The following NIT1 variants were observed in gnomAD, a reference collection of about 807,000 sequenced individuals.
NIT1 encodes the protein nitrilase 1, also known as deaminated glutathione amidase.
A neutral mutation model predicts 36.8 loss-of-function variants in NIT1; 30 were observed. The observed-to-expected ratio is 0.82, with a 90% CI of 0.61 to 1.11. The LOEUF is 1.11. NIT1 is among the 50% of genes least tolerant of loss of function. The pLI is 0.00. For missense variants in NIT1, 438 were observed against 410.6 expected, an observed-to-expected ratio of 1.07 and a Z score of -0.58; for synonymous variants, 151 against 155.6, an observed-to-expected ratio of 0.97 and a Z score of 0.22.
At chr1:161,122,177 C>T (rs1187099077), downstream of NIT1, 1 of 1,613,882 alleles carries the variant, frequency 6.2e-7, no homozygotes, top group East Asian at 2.2e-5. This position sits in a 1 kb window ranked among gnomAD's most constrained non-coding sequence, Gnocchi z 4.2. Context: ...TCAAGTTCCT[C>T]AGGAGTTTCT....
At chr1:161,124,589 C>T (rs907284278), downstream of NIT1, 1 of 1,459,368 alleles carries the variant, frequency 6.9e-7, no homozygotes, top group Non-Finnish European at 9.0e-7. Context: ...CATGCATTCC[C>T]ATATTCCCAG....
At chr1:161,124,789 C>T (rs558067923), downstream of NIT1, 5 of 228,174 alleles carry the variant, frequency 2.2e-5, no homozygotes, top group East Asian at 2.9e-4. Context: ...TAGGGAGACC[C>T]GTTTCTACAA....
At chr1:161,124,587 C>T (rs1311160929), downstream of NIT1, 5 of 1,459,322 alleles carry the variant, frequency 3.4e-6, no homozygotes, top group South Asian at 7.2e-5. Context: ...CTCATGCATT[C>T]CCATATTCCC....
At chr1:161,121,382 TC>T, downstream of NIT1, 1 of 161,434 alleles carries the variant, frequency 6.2e-6, no homozygotes, top group Non-Finnish European at 1.3e-5. Context: ...AGTGTCACAC[TC>T]CCCCTTCCCC....
chr1:161,123,730 A>T, downstream of NIT1: 2 of 932,742 alleles, frequency 2.1e-6, no homozygotes, highest in Non-Finnish European at 1.6e-6. Flanking sequence ...ATGGGGCAAG[A>T]TGTGGGCGCA....
At chr1:161,122,933 G>C (rs1328722153), downstream of NIT1, 4 of 1,512,816 alleles carry the variant, frequency 2.6e-6, no homozygotes, top group Admixed American at 3.4e-5. The surrounding 1 kb of genome is among the most constrained non-coding windows in gnomAD (Gnocchi z 4.2). Context: ...TCTTCCACCA[G>C]ACACCAAACC....
chr1:161,123,468 T>C (rs1174063650), downstream of NIT1, among the ~76,000 whole-genome samples: 1 of 151,580 alleles, frequency 6.6e-6, no homozygotes, highest in Non-Finnish European at 1.5e-5. Context: ...TGAAACCCCG[T>C]CTCTAAAAAT....
downstream of NIT1, chr1:161,122,453 G>A (rs140008766): frequency 6.2e-6 from 10 of 1,614,226 alleles, no homozygotes; most frequent in Middle Eastern, 3.3e-4. The surrounding 1 kb of genome is among the most constrained non-coding windows in gnomAD (Gnocchi z 4.2). Context: ...GGTCCTGCTT[G>A]TTAGAGAAGA....
At chr1:161,125,384 A>G (rs1358004000), downstream of NIT1, 1 of 152,212 alleles carries the variant, frequency 6.6e-6, no homozygotes, top group African/African-American at 2.4e-5. Flanking sequence ...AACTGCTCAG[A>G]AAGTTTATCA....
chr1:161,119,672 GA>G, intron 4 of NIT1, 60 bp downstream of exon 4: 1 of 1,470,326 alleles, frequency 6.8e-7, no homozygotes, highest in Non-Finnish European at 9.4e-7. Flanking sequence ...AGATTCTCCA[GA>G]ATTGTTTCTC....
Position 161,118,801 on chromosome 1 carries a change from C to G in NIT1, c.18C>G (p.Thr6=), listed in dbSNP as rs370075499. MLGFI[T]RPPHRFLSLL... The stretch of plus-strand genomic sequence containing the variant: ...CCTTCCTCAGGCTGGGCTTCATCAC[C>G]AGGCCTCCTCACAGATTCCTGTCCC... Residue 6 remains threonine, a synonymous_variant, in exon 2 of 7, where the codon ACC becomes ACG. Coordinates refer to ENST00000368009, the MANE Select transcript of NIT1 (RefSeq NM_005600.3). 4.3e-6 allele frequency: 7 copies of G among 1,613,742 alleles called. No homozygotes were observed. The highest frequency in any genetic ancestry group is 5.9e-6 in the Non-Finnish European group (7 of 1,179,664).
chr1:161,119,040 G>A, intron 2 of NIT1, 94 bp from the exon 3 acceptor site: 1 of 1,506,168 alleles, frequency 6.6e-7, no homozygotes, highest in Non-Finnish European at 9.2e-7. Flanking sequence ...TCAAAAGGAA[G>A]TCCAGCTTTC....
chr1:161,118,434 A>G (rs2101714292), intron 1 of NIT1: 2 of 1,535,990 alleles, frequency 1.3e-6, no homozygotes, highest in Non-Finnish European at 1.7e-6. Flanking sequence ...GCTTCGAGTC[A>G]GTAAAGCTGC....
chr1:161,125,147 T>C (rs1439876868), downstream of NIT1: 22 of 152,258 alleles, frequency 1.4e-4, no homozygotes, highest in Admixed American at 1.4e-3. Flanking sequence ...TGTGTAGCTG[T>C]GTGACCGTAA....
chr1:161,118,489 G>T (rs1291973864), intron 1 of NIT1: 1 of 1,536,200 alleles, frequency 6.5e-7, no homozygotes. Context: ...ACCAAGGATA[G>T]TTCCCGGAGA....
At chr1:161,124,032 C>T, downstream of NIT1, 1 of 1,581,544 alleles carries the variant, frequency 6.3e-7, no homozygotes. Context: ...ACAACTTACT[C>T]TAAGTACTCC....
chr1:161,121,860 T>C (rs1307263217), downstream of NIT1: 2 of 369,642 alleles, frequency 5.4e-6, no homozygotes, highest in African/African-American at 4.0e-5. Flanking sequence ...CTATGTGCTG[T>C]AGACTTTGCT....
chr1:161,120,477 T>C, intron 6 of NIT1, 22 bp from the exon 7 acceptor site: 1 of 1,610,342 alleles, frequency 6.2e-7, no homozygotes, highest in Non-Finnish European at 8.5e-7. Context: ...TGTACTTAAG[T>C]GAACACACAT....
downstream of NIT1, chr1:161,124,088 C>T (rs577888453): frequency 6.3e-7 from 1 of 1,586,008 alleles, no homozygotes; most frequent in East Asian, 2.2e-5. Context: ...GCTGCTCCTT[C>T]CTGGCCTCCC....
Sources: gnomAD v4.1 joint callset for allele counts (sites outside exome capture counted in the v4.1 genomes callset) on GRCh38, gnomAD v4.1.1 for gene constraint, Gnocchi (gnomAD v3.1) non-coding constraint, MANE v1.5 for transcripts, NCBI Gene and HGNC (gene_info 2026-07-23, HGNC 2026-07-21) for gene names.